NCBP3: variants seen among roughly 807,000 people sequenced by gnomAD.
NCBP3 encodes nuclear cap-binding protein subunit 3.
NCBP3 carries 20 observed loss-of-function variants against 75.7 expected under a neutral mutation model. The ratio of observed to expected loss-of-function variants is 0.26; its 90% CI spans 0.19 to 0.38. NCBP3 has a LOEUF of 0.38. NCBP3 is among the 10% of genes least tolerant of loss of function. NCBP3 has a pLI of 1.00. For missense variants in NCBP3, 678 were observed against 796.9 expected, an observed-to-expected ratio of 0.85 and a Z score of 1.80; for synonymous variants, 293 against 290.5, an observed-to-expected ratio of 1.01 and a Z score of -0.09.
chr17:3,839,387 G>A (rs946521111), intron 3 of NCBP3, among the ~76,000 whole-genome samples: 7 of 151,846 alleles, frequency 4.6e-5, no homozygotes, highest in African/African-American at 9.7e-5. Context: ...TCGCTCTGTC[G>A]CCCAGGCTGG....
chr17:3,839,866 G>A (rs2054034993), intron 3 of NCBP3, among the ~76,000 whole-genome samples: 1 of 152,138 alleles, frequency 6.6e-6, no homozygotes, highest in Admixed American at 6.5e-5. Context: ...AACTTTTTCT[G>A]GGCCTCCTCA....
At chr17:3,815,852 G>A (rs1301763413) in intron 11 of NCBP3, among the ~76,000 whole-genome samples, 1 of 152,184 alleles carries the variant, frequency 6.6e-6, no homozygotes, top group East Asian at 1.9e-4. Flanking sequence ...TAGGGGGCGG[G>A]GAGGGGGTCC....
chr17:3,836,724 G>GCTAA (rs879289994), intron 3 of NCBP3, among the ~76,000 whole-genome samples: 3 of 151,820 alleles, frequency 2.0e-5, no homozygotes, highest in African/African-American at 4.8e-5. Context: ...ATTTTTAGAG[G>GCTAA]CTAAATAACT....
At chr17:3,833,693 T>C (rs1015564154) in intron 3 of NCBP3, among the ~76,000 whole-genome samples, 3 of 152,178 alleles carry the variant, frequency 2.0e-5, no homozygotes, top group Non-Finnish European at 2.9e-5. Context: ...CCTTACACTC[T>C]TTCCTGTTTG....
In NCBP3 at chr17:3,813,084, A is replaced by C. The variant is rs1410228905; in HGVS notation, c.1823T>G (p.Val608Gly). Residue 608 changes from valine (V) to glycine (G), a missense_variant, in exon 13 of 13, where the codon GTT becomes GGT. By Grantham distance (109) the Val-to-Gly change is moderately radical. Coordinates refer to ENST00000389005, the MANE Select transcript of NCBP3 (RefSeq NM_001114118.3). ...TGAACCAGAGCTGCTTTCCCGACTA[A>C]CTTCAATCTGGAGAGATGGTAAGTT... ...LDNLPSLQIEVSRESSSGSEA... is the reference protein window; with the variant it reads ...LDNLPSLQIEGSRESSSGSEA... 2 of 1,613,964 alleles carry C rather than the reference A, an allele frequency of 1.2e-6. No individual in the cohort carries two copies. The highest frequency in any genetic ancestry group is 3.3e-5 in the Admixed American group (2 of 59,996).
intron 3 of NCBP3, among the ~76,000 whole-genome samples, chr17:3,837,174 A>G (rs2053988085): frequency 6.7e-6 from 1 of 149,356 alleles, no homozygotes; most frequent in Admixed American, 6.7e-5. Context: ...ATAAAAATAA[A>G]TAAATAAAAA....
At chr17:3,831,998 A>G (rs1404639007) in intron 3 of NCBP3, among the ~76,000 whole-genome samples, 1 of 119,632 alleles carries the variant, frequency 8.4e-6, no homozygotes, top group African/African-American at 2.5e-5. Context: ...AGCCTGGACA[A>G]CATGATGAAA....
chr17:3,845,972 T>C (rs1423122908), intron 1 of NCBP3, 69 bp downstream of exon 1: 1 of 1,487,436 alleles, frequency 6.7e-7, no homozygotes, highest in African/African-American at 1.5e-5. Flanking sequence ...CCACCGCCCC[T>C]TCCGGCCCCC....
intron 3 of NCBP3, among the ~76,000 whole-genome samples, chr17:3,835,915 C>G (rs1257239382): frequency 6.6e-6 from 1 of 152,218 alleles, no homozygotes; most frequent in Non-Finnish European, 1.5e-5. Flanking sequence ...ACGTTTCAGT[C>G]AGATCAGTCT....
In NCBP3 at chr17:3,807,908, T is replaced by C. The variant is rs1239527281; in HGVS notation, c.*5136A>G. The C allele has an allele frequency of 6.6e-6, 1 of 151,378 alleles. No homozygotes were observed. Among genetic ancestry groups the C allele is most frequent in the East Asian group, 1.9e-4 (1 of 5,172 alleles). 9.4% of individuals were successfully genotyped at this position (151,378 alleles called of 1,614,324 possible). ...ACAAACTAGGAACAAGAAATTACAG[T>C]CCAGTGTAGAGGTGTGCAGGGTTGT... On this transcript the variant is annotated 3_prime_UTR_variant, in exon 13 of 13. Coordinates refer to ENST00000389005, the MANE Select transcript of NCBP3 (RefSeq NM_001114118.3).
At chr17:3,814,177 C>T (rs767363326) in intron 12 of NCBP3, 145 bp downstream of exon 12, 10 of 834,932 alleles carry the variant, frequency 1.2e-5, no homozygotes, top group South Asian at 9.4e-5. Flanking sequence ...CTGATGCTGA[C>T]GATAACTATA....
chr17:3,845,404 C>A (rs1023558618), intron 1 of NCBP3, among the ~76,000 whole-genome samples: 2 of 152,054 alleles, frequency 1.3e-5, no homozygotes, highest in Non-Finnish European at 2.9e-5. Context: ...CCATCCCCAG[C>A]GCGGTAAAGG....
chr17:3,819,198 T>C lies in NCBP3; in HGVS notation c.1001-626A>G, dbSNP rs190495284. 3.5e-3 allele frequency among the ~76,000 whole-genome samples: 530 copies of C among 152,292 alleles called. 3 individuals carry two copies. Among genetic ancestry groups the C allele is most frequent in the African/African-American group, 0.012 (494 of 41,546 alleles). On this transcript the variant is annotated intron_variant, in intron 9 of 12. Transcript: ENST00000389005. ...AGGTAAGGCATTCAGGCATGAGTTA[T>C]AGGGCTACTGGCTGTGAACTCAATG...
intron 2 of NCBP3, among the ~76,000 whole-genome samples, chr17:3,842,298 G>A (rs2054078533): frequency 6.6e-6 from 1 of 151,992 alleles, no homozygotes; most frequent in African/African-American, 2.4e-5. Context: ...GGTGGCGGGC[G>A]CCTGTAGTCC....
rs565875906 is a variant in NCBP3, at chr17:3,814,099, A to G, written c.1627+223T>C. Among the ~76,000 whole-genome samples the G allele has an allele frequency of 1.8e-3, 270 of 152,358 alleles. 2 individuals are homozygous for G. Among genetic ancestry groups the G allele is most frequent in the Middle Eastern group, 0.014 (4 of 294 alleles). On this transcript the variant is annotated intron_variant, in intron 12 of 12. Coordinates refer to ENST00000389005, the MANE Select transcript of NCBP3 (RefSeq NM_001114118.3). ...AACTAAAAAGATTTGTGCCAAACAGAAAGAGCCAGGAGTGTGCTATTTTTT... is the reference window on the plus strand; with the variant it reads ...AACTAAAAAGATTTGTGCCAAACAGGAAGAGCCAGGAGTGTGCTATTTTTT...
In NCBP3 at chr17:3,846,063, C is replaced by T; in HGVS notation, c.161G>A (p.Arg54His). The T allele has an allele frequency of 1.3e-6, 2 of 1,548,838 alleles. No individual in the cohort carries two copies. The highest frequency in any genetic ancestry group is 1.4e-5 in the African/African-American group (1 of 72,602). Residue 54 changes from arginine (R) to histidine (H), a missense_variant, in exon 1 of 13, where the codon CGC (arginine) becomes CAC (histidine). By Grantham distance (29) the Arg-to-His change is conservative. This residue lies in a region of NCBP3 where 46 missense variants were observed against 82.8 expected (regional missense o/e 0.56). Coordinates refer to ENST00000389005, the MANE Select transcript of NCBP3 (RefSeq NM_001114118.3). The surrounding 1 kb of genome is among the most constrained non-coding windows in gnomAD (Gnocchi z 4.6). ...TACCGGGATCAGTTCCTTGAGCGAG[C>T]GCCGCACAGGCACGATTTCCAGCTC... ...EGELEIVPVR[R>H]SLKELIPDTS... is the part of the protein sequence containing the mutation.
At chr17:3,823,643 G>C (rs541129011) in intron 7 of NCBP3, 1 of 151,902 alleles carries the variant, frequency 6.6e-6, no homozygotes, top group Non-Finnish European at 1.5e-5. Context: ...GCCTGGTCTC[G>C]AACTCCTGGG....
chr17:3,844,991 T>C (rs1334534472), intron 1 of NCBP3, among the ~76,000 whole-genome samples: 1 of 152,206 alleles, frequency 6.6e-6, no homozygotes, highest in Non-Finnish European at 1.5e-5. Flanking sequence ...TGATAACACC[T>C]GCTTCACAAC....
intron 2 of NCBP3, among the ~76,000 whole-genome samples, chr17:3,841,656 C>A (rs1441649536): frequency 8.0e-6 from 1 of 125,170 alleles, no homozygotes; most frequent in Admixed American, 9.4e-5. Flanking sequence ...ATTGGAAACA[C>A]AAGAGACACA....
Sources: allele counts gnomAD v4.1 joint callset (sites outside exome capture counted in the v4.1 genomes callset), GRCh38; gene constraint gnomAD v4.1.1; regional missense constraint gnomAD v4.1.1; non-coding constraint Gnocchi (gnomAD v3.1); transcripts MANE v1.5; gene names NCBI Gene and HGNC (gene_info 2026-07-23, HGNC 2026-07-21).